Variants in ENOX2 observed in about 807,000 individuals in gnomAD.
The protein encoded by ENOX2 is APK1 antigen.
A neutral mutation model predicts 45.0 loss-of-function variants in ENOX2; 36 were observed. The ratio of observed to expected loss-of-function variants is 0.80; its 90% CI spans 0.61 to 1.06. The LOEUF is 1.06. Among genes scored for constraint, ENOX2 ranks in the 50% least tolerant of loss-of-function variants. ENOX2 has a pLI of 0.00. For missense variants in ENOX2, 423 were observed against 462.5 expected (o/e 0.91, Z 0.78); for synonymous variants, 174 against 152.3 (o/e 1.14, Z -1.05).
At chrX:130,683,903 G>A (rs923739704) in intron 5 of ENOX2, among the ~76,000 whole-genome samples, 1 of 112,006 alleles carries the variant, frequency 8.9e-6, no homozygotes, top group East Asian at 2.8e-4. Context: ...GTCTGCTCCA[G>A]TCTAGTTTGA....
At chrX:130,864,832 G>A (rs1354515765) in intron 2 of ENOX2, among the ~76,000 whole-genome samples, 1 of 111,575 alleles carries the variant, frequency 9.0e-6, no homozygotes, top group Non-Finnish European at 1.9e-5. Context: ...TGGCCAACAT[G>A]TGAAACCCCA....
chrX:130,653,447 G>A (rs1404072325), intron 10 of ENOX2, among the ~76,000 whole-genome samples: 2 of 111,624 alleles, frequency 1.8e-5, no homozygotes, highest in African/African-American at 6.5e-5. Context: ...ACTCTACTCA[G>A]TCTTTTGTCC....
Position 130,623,873 on chromosome X carries a change from G to T in ENOX2, c.*1441C>A, listed in dbSNP as rs1040629868. 8.9e-6 allele frequency: 1 copy of T among 111,866 alleles called. No homozygotes were observed. The allele number at this position is 111,866 out of a possible 1,213,427, so 9.2% of individuals were successfully genotyped here. A position where few individuals can be genotyped will look rare whatever the true frequency, so the allele number is the denominator to read the frequency against. Reference sequence around the variant, plus strand: ...TAACTACTAATGGATTACTTAGAGCGTAAGTCATTAAAAACAGGACACAAA... The same window carrying T: ...TAACTACTAATGGATTACTTAGAGCTTAAGTCATTAAAAACAGGACACAAA... On this transcript the variant is annotated 3_prime_UTR_variant, in exon 15 of 15. Transcript: ENST00000394363.
At chrX:130,814,181 G>T (rs1448767276) in intron 2 of ENOX2, among the ~76,000 whole-genome samples, 1 of 112,331 alleles carries the variant, frequency 8.9e-6, no homozygotes, top group Admixed American at 9.4e-5. Context: ...CTGTAGCCAG[G>T]CTGCCTCTCT....
At chrX:130,830,552 C>T (rs2077803935) in intron 2 of ENOX2, among the ~76,000 whole-genome samples, 1 of 111,883 alleles carries the variant, frequency 8.9e-6, no homozygotes, top group African/African-American at 3.2e-5. Context: ...GAACAAGTGT[C>T]GCTAAATCCC....
intron 10 of ENOX2, among the ~76,000 whole-genome samples, chrX:130,646,497 G>A (rs187200913): frequency 2.7e-5 from 3 of 112,519 alleles, no homozygotes; most frequent in Admixed American, 9.3e-5. Context: ...CTTCATTCAC[G>A]ACCTGGGCTT....
chrX:130,676,725 C>G (rs187608880), intron 6 of ENOX2, among the ~76,000 whole-genome samples: 370 of 111,381 alleles, frequency 3.3e-3, no homozygotes, highest in African/African-American at 0.011. Flanking sequence ...TCCATCTACA[C>G]CTCCTCCTTT....
intron 12 of ENOX2, among the ~76,000 whole-genome samples, chrX:130,632,956 G>A (rs753547261): frequency 8.9e-6 from 1 of 112,293 alleles, no homozygotes. Flanking sequence ...CGTTTCTTAA[G>A]TGTGAGAGTT....
chrX:130,868,042 T>G (rs2078517693), intron 2 of ENOX2, among the ~76,000 whole-genome samples: 1 of 111,977 alleles, frequency 8.9e-6, no homozygotes, highest in South Asian at 3.7e-4. Flanking sequence ...AGTTACTGAC[T>G]TATAAAAGAC....
chrX:130,710,711 C>T (rs766291521), intron 3 of ENOX2, among the ~76,000 whole-genome samples: 1 of 111,651 alleles, frequency 9.0e-6, no homozygotes, highest in Non-Finnish European at 1.9e-5. Context: ...GCAACTCCAA[C>T]TTCTGTAGTT....
intron 10 of ENOX2, chrX:130,646,042 A>G: frequency 1.8e-6 from 1 of 562,885 alleles, no homozygotes; most frequent in Non-Finnish European, 3.3e-6. Context: ...TGTAACGTCA[A>G]CGTCCCTAGC....
intron 3 of ENOX2, among the ~76,000 whole-genome samples, chrX:130,738,965 T>G (rs2038920139): frequency 8.9e-6 from 1 of 112,220 alleles, no homozygotes; most frequent in South Asian, 3.7e-4. Context: ...CTTCTATCAC[T>G]GAAGGAATCC....
At chrX:130,750,127 T>C (rs2039184413) in intron 3 of ENOX2, among the ~76,000 whole-genome samples, 1 of 111,381 alleles carries the variant, frequency 9.0e-6, no homozygotes, top group Admixed American at 9.5e-5. Context: ...CTATTTACTT[T>C]TCTCTCATTG....
chrX:130,710,242 T>C (rs1265823956), intron 3 of ENOX2, among the ~76,000 whole-genome samples: 1 of 112,038 alleles, frequency 8.9e-6, no homozygotes, highest in Non-Finnish European at 1.9e-5. Context: ...TATAGCTAGC[T>C]TGCAGTAGAG....
chrX:130,897,992 G>C (rs999970614), intron 2 of ENOX2, among the ~76,000 whole-genome samples: 1 of 111,078 alleles, frequency 9.0e-6, no homozygotes, highest in Admixed American at 9.5e-5. Context: ...GGTGGACACC[G>C]GGAAAACATT....
chrX:130,777,422 G>A (rs373644567), intron 3 of ENOX2, among the ~76,000 whole-genome samples: 4 of 108,137 alleles, frequency 3.7e-5, no homozygotes, highest in South Asian at 8.8e-4. Flanking sequence ...AATCACCTGA[G>A]GCTTGGGAGG....
intron 3 of ENOX2, among the ~76,000 whole-genome samples, chrX:130,738,208 C>T (rs774636351): frequency 5.4e-5 from 6 of 111,954 alleles, no homozygotes; most frequent in Non-Finnish European, 7.5e-5. Context: ...GACTCCTCTG[C>T]GGAGGTGGCA....
At chrX:130,816,694 T>C (rs1037876143) in intron 2 of ENOX2, among the ~76,000 whole-genome samples, 1 of 111,554 alleles carries the variant, frequency 9.0e-6, no homozygotes, top group African/African-American at 3.3e-5. Flanking sequence ...AAGGCAGAAA[T>C]AAATACGTTC....
chrX:130,835,200 G>A (rs1354809534), intron 2 of ENOX2, among the ~76,000 whole-genome samples: 15 of 111,428 alleles, frequency 1.3e-4, no homozygotes, highest in Non-Finnish European at 5.7e-5. Flanking sequence ...CTGGGGAGGG[G>A]AGGCGGTGGG....
Sources: allele counts gnomAD v4.1 joint callset (sites outside exome capture counted in the v4.1 genomes callset), GRCh38; gene constraint gnomAD v4.1.1; transcripts MANE v1.5; gene names NCBI Gene and HGNC (gene_info 2026-07-23, HGNC 2026-07-21).